The following CNBD1 variants were observed in gnomAD, a reference collection of about 807,000 sequenced individuals.
CNBD1 encodes cyclic nucleotide binding domain containing 1, also known as cyclic nucleotide-binding domain-containing protein 1.
Under a neutral mutation model 54.4 loss-of-function variants are expected in CNBD1, and 71 were observed. That is an observed-to-expected ratio of 1.30 (90% CI 1.08 to 1.59). The LOEUF is 1.59. CNBD1 is among the 40% of genes most tolerant of loss of function. The pLI, the probability that CNBD1 is intolerant of heterozygous loss-of-function variation, is 0.00. For missense variants in CNBD1, 659 were observed against 518.0 expected (o/e 1.27, Z -2.64); for synonymous variants, 182 against 170.7 (o/e 1.07, Z -0.51).
chr8:87,236,140 C>T (rs970905996), intron 5 of CNBD1, among the ~76,000 whole-genome samples: 1 of 152,068 alleles, frequency 6.6e-6, no homozygotes, highest in African/African-American at 2.4e-5. Context: ...AAGAAAATAT[C>T]TCCTGACAGC....
chr8:87,389,397 G>C (rs1042597305), intron 2 of CNBD1, among the ~76,000 whole-genome samples: 10 of 152,150 alleles, frequency 6.6e-5, no homozygotes, highest in Non-Finnish European at 1.0e-4. Flanking sequence ...GGCAACTTCA[G>C]GAAAGTCTCA....
intron 4 of CNBD1, among the ~76,000 whole-genome samples, chr8:87,143,165 C>A (rs1812406874): frequency 6.6e-6 from 1 of 152,180 alleles, no homozygotes; most frequent in Non-Finnish European, 1.5e-5. Context: ...ACAGCAGGTT[C>A]ACCTGCTTTT....
At chr8:87,055,897 T>C (rs1810406599) in intron 4 of CNBD1, among the ~76,000 whole-genome samples, 1 of 111,566 alleles carries the variant, frequency 9.0e-6, no homozygotes, top group Admixed American at 9.2e-5. Context: ...CTTCCTTCCT[T>C]CCTTCCTTCC....
At chr8:87,425,591 G>T (rs1442023864) in intron 2 of CNBD1, among the ~76,000 whole-genome samples, 7 of 152,236 alleles carry the variant, frequency 4.6e-5, no homozygotes, top group African/African-American at 1.7e-4. Flanking sequence ...TGAGGTGTCA[G>T]TGTGCCCCTG....
intron 5 of CNBD1, among the ~76,000 whole-genome samples, chr8:87,222,369 G>C (rs1311690253): frequency 6.6e-6 from 1 of 152,132 alleles, no homozygotes; most frequent in Non-Finnish European, 1.5e-5. Flanking sequence ...GAGATACAGA[G>C]AGCAGTCAGT....
chr8:86,903,864 AAT>A (rs1808976137), intron 2 of CNBD1, among the ~76,000 whole-genome samples: 1 of 18,302 alleles, frequency 5.5e-5, no homozygotes, highest in African/African-American at 5.7e-4. Flanking sequence ...TTACAAACAG[AAT>A]TTTTTTTTTT....
At chr8:87,027,081 CT>C (rs36054485) in intron 4 of CNBD1, among the ~76,000 whole-genome samples, 4 of 150,658 alleles carry the variant, frequency 2.7e-5, no homozygotes, top group Admixed American at 6.6e-5. Context: ...CTTATGAGTG[CT>C]TTTTTTTTAA....
At chr8:87,283,134 G>T (rs1563537164) in intron 6 of CNBD1, among the ~76,000 whole-genome samples, 1 of 151,896 alleles carries the variant, frequency 6.6e-6, no homozygotes, top group Non-Finnish European at 1.5e-5. Flanking sequence ...TTTTATTCCA[G>T]AGTATTTTCT....
chr8:87,028,888 A>G (rs1186290727), intron 4 of CNBD1, among the ~76,000 whole-genome samples: 1 of 152,200 alleles, frequency 6.6e-6, no homozygotes, highest in Non-Finnish European at 1.5e-5. Flanking sequence ...GGTTTCACCA[A>G]TTTATTTTCT....
chr8:87,302,974 A>G (rs1809044600), intron 8 of CNBD1, among the ~76,000 whole-genome samples: 1 of 151,780 alleles, frequency 6.6e-6, no homozygotes, highest in Non-Finnish European at 1.5e-5. Flanking sequence ...CCACTGCTCA[A>G]GGAAATAAAA....
intron 10 of CNBD1, among the ~76,000 whole-genome samples, chr8:87,357,928 G>T (rs746373342): frequency 1.3e-5 from 2 of 152,122 alleles, no homozygotes; most frequent in South Asian, 2.1e-4. Context: ...TCATCTTCAT[G>T]ATAATGAGTG....
intron 5 of CNBD1, among the ~76,000 whole-genome samples, chr8:87,223,539 A>C (rs1255447757): frequency 6.6e-6 from 1 of 151,980 alleles, no homozygotes; most frequent in Non-Finnish European, 1.5e-5. Flanking sequence ...ATGGTTTCCA[A>C]TGTCATCCAT....
intron 1 of CNBD1, among the ~76,000 whole-genome samples, chr8:86,870,602 C>T (rs761938776): frequency 1.7e-4 from 26 of 152,070 alleles, no homozygotes; most frequent in Non-Finnish European, 3.5e-4. Context: ...CCTAAGCGTT[C>T]AAAGGCGTTT....
chr8:87,271,823 C>A (rs9886616), intron 6 of CNBD1, among the ~76,000 whole-genome samples: 41,425 of 150,204 alleles, frequency 0.28, 5,965 homozygotes, highest in African/African-American at 0.37. Context: ...TATTGCAGCA[C>A]TATTCACAGT....
intron 6 of CNBD1, among the ~76,000 whole-genome samples, chr8:87,242,755 G>A (rs1037177047): frequency 6.6e-6 from 1 of 152,092 alleles, no homozygotes; most frequent in Non-Finnish European, 1.5e-5. Context: ...TTTATATTTG[G>A]CTCAGAATAA....
At chr8:87,310,490 A>G (rs1335615061) in intron 8 of CNBD1, among the ~76,000 whole-genome samples, 3 of 152,204 alleles carry the variant, frequency 2.0e-5, no homozygotes, top group African/African-American at 7.2e-5. Context: ...AGATGACACA[A>G]ACAAATGGAG....
intron 3 of CNBD1, among the ~76,000 whole-genome samples, chr8:86,929,982 G>A (rs1338779073): frequency 1.3e-5 from 2 of 152,138 alleles, no homozygotes; most frequent in African/African-American, 2.4e-5. Context: ...TTGTCCTGTG[G>A]GAAGGCTTAA....
At chr8:87,005,176 G>T (rs1256480212) in intron 4 of CNBD1, among the ~76,000 whole-genome samples, 1 of 151,910 alleles carries the variant, frequency 6.6e-6, no homozygotes, top group East Asian at 1.9e-4. Flanking sequence ...GAGGTCAGGA[G>T]ATCGAGACCA....
At chr8:87,426,159 G>T (rs889920157) in intron 2 of CNBD1, among the ~76,000 whole-genome samples, 10 of 152,238 alleles carry the variant, frequency 6.6e-5, no homozygotes, top group Non-Finnish European at 1.5e-4. Context: ...GTGAGGCAAT[G>T]CCTCGCCCTG....
Sources: allele counts gnomAD v4.1 joint callset (sites outside exome capture counted in the v4.1 genomes callset), GRCh38; gene constraint gnomAD v4.1.1; transcripts MANE v1.5; gene names NCBI Gene and HGNC (gene_info 2026-07-23, HGNC 2026-07-21).